The following PCDH9 variants were observed in gnomAD, a reference collection of about 807,000 sequenced individuals.
PCDH9 encodes protocadherin 9.
PCDH9 carries 24 observed loss-of-function variants against 70.6 expected under a neutral mutation model. The ratio of observed to expected loss-of-function variants is 0.34; its 90% CI spans 0.25 to 0.48. The LOEUF is 0.48. PCDH9 is among the 20% of genes least tolerant of loss of function. PCDH9 has a pLI of 0.99. For synonymous variants in PCDH9, 562 were observed against 558.5 expected (o/e 1.01, Z -0.09); for missense variants, 1,281 against 1,503.6 (o/e 0.85, Z 2.45).
At chr13:66,836,311 C>A (rs916094533) in intron 3 of PCDH9, among the ~76,000 whole-genome samples, 7 of 152,120 alleles carry the variant, frequency 4.6e-5, no homozygotes, top group East Asian at 3.9e-4. Flanking sequence ...ATTCAATAAT[C>A]TTTATGTTAT....
intron 4 of PCDH9, among the ~76,000 whole-genome samples, chr13:66,484,993 C>G (rs1488011010): frequency 1.3e-5 from 2 of 152,044 alleles, no homozygotes; most frequent in Non-Finnish European, 2.9e-5. Context: ...TAAAATGTAC[C>G]TGCAATTTTT....
intron 4 of PCDH9, among the ~76,000 whole-genome samples, chr13:66,470,323 G>A (rs1315364398): frequency 6.6e-6 from 1 of 152,026 alleles, no homozygotes; most frequent in East Asian, 1.9e-4. Flanking sequence ...TCCTTCTGTT[G>A]AATTTTAGCA....
At chr13:66,378,131 G>T (rs1437894755) in intron 4 of PCDH9, among the ~76,000 whole-genome samples, 1 of 152,132 alleles carries the variant, frequency 6.6e-6, no homozygotes, top group East Asian at 1.9e-4. Flanking sequence ...GTTGATCATA[G>T]AAATAACTTT....
chr13:66,730,681 C>CTTT (rs200246747), intron 3 of PCDH9, among the ~76,000 whole-genome samples: 1 of 138,296 alleles, frequency 7.2e-6, no homozygotes, highest in African/African-American at 2.7e-5. Context: ...TATATATTTC[C>CTTT]TTTTTTTTTT....
chr13:66,934,999 C>T (rs960727307), intron 2 of PCDH9, among the ~76,000 whole-genome samples: 14 of 151,850 alleles, frequency 9.2e-5, no homozygotes, highest in Non-Finnish European at 1.9e-4. Context: ...GGATTACAGG[C>T]GTGAGCCACC....
At position 67,141,685 on chromosome 13, in the gene PCDH9, C is replaced by A. The variant is rs192000858; in HGVS notation, c.3036+83720G>T. Among the ~76,000 whole-genome samples the A allele has an allele frequency of 9.4e-3, 1,429 of 151,696 alleles. 16 individuals carry two copies. Among genetic ancestry groups the A allele is most frequent in the African/African-American group, 0.032 (1,325 of 41,318 alleles). Reference sequence around the variant, plus strand: ...CAAACTCCTGACCTTGTGATCCACCCGCCTCGGCCTCCCAAAGTGCTGGGA... The same window carrying A: ...CAAACTCCTGACCTTGTGATCCACCAGCCTCGGCCTCCCAAAGTGCTGGGA... On this transcript the variant is annotated intron_variant, in intron 2 of 4. Coordinates refer to ENST00000377865, the MANE Select transcript of PCDH9 (RefSeq NM_203487.3).
chr13:66,579,718 C>T (rs1181949673), intron 4 of PCDH9, among the ~76,000 whole-genome samples: 1 of 151,774 alleles, frequency 6.6e-6, no homozygotes, highest in Non-Finnish European at 1.5e-5. Flanking sequence ...AATGAGTATA[C>T]TAAAATAGTG....
intron 4 of PCDH9, among the ~76,000 whole-genome samples, chr13:66,578,685 A>G (rs2076848818): frequency 6.6e-6 from 1 of 152,154 alleles, no homozygotes. Context: ...TAGAAAAAAG[A>G]AAAAGTCAGG....
At chr13:66,778,346 A>C (rs1001027694) in intron 3 of PCDH9, among the ~76,000 whole-genome samples, 1 of 152,128 alleles carries the variant, frequency 6.6e-6, no homozygotes, top group African/African-American at 2.4e-5. Context: ...TCTCTTCCCA[A>C]TATCATCTAC....
At chr13:66,476,465 AT>A (rs1381157991) in intron 4 of PCDH9, among the ~76,000 whole-genome samples, 3 of 152,094 alleles carry the variant, frequency 2.0e-5, no homozygotes, top group African/African-American at 7.2e-5. Context: ...CCATTTGATG[AT>A]TTGCAATCCT....
intron 2 of PCDH9, among the ~76,000 whole-genome samples, chr13:67,159,293 G>A (rs921912398): frequency 2.6e-5 from 4 of 152,164 alleles, no homozygotes; most frequent in Admixed American, 2.0e-4. Flanking sequence ...CAACACAGGA[G>A]AGTGGGCCAC....
chr13:67,171,617 C>T (rs2088287609), intron 2 of PCDH9, among the ~76,000 whole-genome samples: 1 of 152,136 alleles, frequency 6.6e-6, no homozygotes, highest in African/African-American at 2.4e-5. Flanking sequence ...CTTTATTATG[C>T]ATTTCTATCA....
chr13:66,992,362 A>C (rs1217781890), intron 2 of PCDH9, among the ~76,000 whole-genome samples: 1 of 152,138 alleles, frequency 6.6e-6, no homozygotes, highest in Admixed American at 6.6e-5. Context: ...TATTGGGGAA[A>C]TCACCCCCTC....
At chr13:67,146,510 A>C (rs557680485) in intron 2 of PCDH9, among the ~76,000 whole-genome samples, 1 of 152,182 alleles carries the variant, frequency 6.6e-6, no homozygotes, top group Non-Finnish European at 1.5e-5. Flanking sequence ...TCTGATGGAC[A>C]TTTTGATTCA....
intron 2 of PCDH9, among the ~76,000 whole-genome samples, chr13:66,937,137 C>A (rs1371199568): frequency 6.6e-6 from 1 of 152,170 alleles, no homozygotes. Context: ...ACTGCCCTAT[C>A]CATTTAAAAT....
chr13:66,587,636 T>C (rs892062925), intron 4 of PCDH9, among the ~76,000 whole-genome samples: 1 of 152,010 alleles, frequency 6.6e-6, no homozygotes, highest in Non-Finnish European at 1.5e-5. Context: ...TAGTGCTATG[T>C]GAAAGTAGCT....
At chr13:66,599,868 A>T (rs2077145476) in intron 4 of PCDH9, among the ~76,000 whole-genome samples, 1 of 151,808 alleles carries the variant, frequency 6.6e-6, no homozygotes, top group Admixed American at 6.6e-5. Context: ...TCTACGATTG[A>T]TTTTGTCCCT....
intron 4 of PCDH9, among the ~76,000 whole-genome samples, chr13:66,372,638 A>T (rs183116641): frequency 6.6e-6 from 1 of 151,840 alleles, no homozygotes; most frequent in East Asian, 2.0e-4. Flanking sequence ...ATTCTTTGTC[A>T]TAAGTTTAAA....
chr13:66,632,386 A>C (rs1229030071), intron 3 of PCDH9, among the ~76,000 whole-genome samples: 1 of 152,226 alleles, frequency 6.6e-6, no homozygotes, highest in Non-Finnish European at 1.5e-5. Context: ...CTATATTTTA[A>C]AAGAGATTAA....
Sources: allele counts gnomAD v4.1 joint callset (sites outside exome capture counted in the v4.1 genomes callset), GRCh38; gene constraint gnomAD v4.1.1; transcripts MANE v1.5; gene names NCBI Gene and HGNC (gene_info 2026-07-23, HGNC 2026-07-21).